Variants in DPP9 observed in about 807,000 individuals in gnomAD.
DPP9 encodes the protein dipeptidyl peptidase 9, also known as dipeptidyl peptidase IV-related protein-2.
In DPP9, 50 loss-of-function variants were observed where a neutral mutation model predicts 110.7. That is an observed-to-expected ratio of 0.45 (90% CI 0.36 to 0.57). The LOEUF is 0.57. Among genes scored for constraint, DPP9 ranks in the 20% least tolerant of loss-of-function variants. The pLI, the probability that DPP9 is intolerant of heterozygous loss-of-function variation, is 0.00. For missense variants in DPP9, 1,022 were observed against 1,217.9 expected, an observed-to-expected ratio of 0.84 and a Z score of 2.39; for synonymous variants, 561 against 514.4, an observed-to-expected ratio of 1.09 and a Z score of -1.23.
At position 4,718,428 on chromosome 19, in the gene DPP9, G is replaced by T. The variant is rs1007599248; in HGVS notation, c.56+1423C>A. Among the ~76,000 whole-genome samples, 1 of 152,210 alleles carries T rather than the reference G, an allele frequency of 6.6e-6. No homozygotes were observed. The highest frequency in any genetic ancestry group is 2.1e-4 in the South Asian group (1 of 4,838). ...GGCTGGCGTGGGGCAAGGGGCGTAT[G>T]GGGGTGGTGAGGACAGGGTCCTACC... On this transcript the variant is annotated intron_variant, in intron 3 of 21. Coordinates refer to ENST00000262960, the MANE Select transcript of DPP9 (RefSeq NM_139159.5). The surrounding 1 kb of genome is among the most constrained non-coding windows in gnomAD (Gnocchi z 4.3).
Position 4,694,754 on chromosome 19 carries a change from C to A in DPP9, c.1423G>T (p.Glu475Ter). The A allele has an allele frequency of 6.2e-7, 1 of 1,613,930 alleles. No individual in the cohort carries two copies. The highest frequency in any genetic ancestry group is 8.5e-7 in the Non-Finnish European group (1 of 1,179,866). ...EDELCFLRAN[E>*]CKTGFCHLYK... is the part of the protein sequence containing the mutation. The stretch of plus-strand genomic sequence containing the variant: ...AAATGGCAGAAGCCGGTCTTGCATT[C>A]ATTGGCGCGGAGAAAGCAGAGCTCG... The change falls in exon 13 of 22, where the codon GAA becomes TAA. Residue 475 changes from glutamate (E) to a stop codon, truncating the protein, a stop_gained. Coordinates refer to ENST00000262960, the MANE Select transcript of DPP9 (RefSeq NM_139159.5). LOFTEE classifies it high-confidence loss of function. The surrounding 1 kb of genome is among the most constrained non-coding windows in gnomAD (Gnocchi z 4.0).
chr19:4,684,896 G>A lies in DPP9; in HGVS notation c.2032-87C>T, dbSNP rs528632299. The A allele has an allele frequency of 8.0e-5, 121 of 1,516,006 alleles. No individual in the cohort carries two copies. The South Asian group carries it at 1.4e-3, about 18-fold the overall frequency. The allele number at this position is 1,516,006 out of a possible 1,614,324, so 93.9% of individuals were successfully genotyped here. Reference sequence around the variant, plus strand: ...GGAGATGCCGGTGGGCTGGGGACCGGGCCGGGCTGGGGCCTCAGAGCCTAA... The same window carrying A: ...GGAGATGCCGGTGGGCTGGGGACCGAGCCGGGCTGGGGCCTCAGAGCCTAA... On this transcript the variant is annotated intron_variant, in intron 17 of 21. Coordinates refer to ENST00000262960, the MANE Select transcript of DPP9 (RefSeq NM_139159.5). The surrounding 1 kb of genome is among the most constrained non-coding windows in gnomAD (Gnocchi z 4.8).
In DPP9 at chr19:4,721,175, C is replaced by T. The variant is rs1050374770; in HGVS notation, c.-35-1234G>A. ...CCTTACAGTGGACAGAACAGCCCCC[C>T]TCCCACTCCTCTGCCAAGAATGACC... On this transcript the variant is annotated intron_variant, in intron 2 of 21. Transcript: ENST00000262960. 2.6e-5 allele frequency among the ~76,000 whole-genome samples: 4 copies of T among 152,232 alleles called. No homozygotes were observed. The East Asian group carries it at 5.8e-4, about 22-fold the overall frequency.
rs1184230698 is a variant in DPP9 at position 4,687,820 on chromosome 19, C to A, written c.1885+937G>T. Among the ~76,000 whole-genome samples, 2 of 151,720 alleles carry A rather than the reference C, an allele frequency of 1.3e-5. No homozygotes were observed. Among genetic ancestry groups the A allele is most frequent in the Admixed American group, 1.3e-4 (2 of 15,252 alleles). The stretch of plus-strand genomic sequence containing the variant: ...TTCAAAAGGTTTTTTTTTTTTGAGA[C>A]GGAGTCTCGCTCTGTCGCCCAGGCT... On this transcript the variant is annotated intron_variant, in intron 16 of 21. Coordinates refer to ENST00000262960, the MANE Select transcript of DPP9 (RefSeq NM_139159.5). This position sits in a 1 kb window ranked among gnomAD's most constrained non-coding sequence, Gnocchi z 4.7.
intron 11 of DPP9, among the ~76,000 whole-genome samples, chr19:4,696,828 T>C (rs1483279330): frequency 6.6e-6 from 1 of 152,118 alleles, no homozygotes; most frequent in East Asian, 1.9e-4. Context: ...CAGCAGCACA[T>C]AATAGAATTC....
intron 11 of DPP9, 148 bp downstream of exon 11, chr19:4,697,403 G>A: frequency 1.5e-6 from 1 of 649,318 alleles, no homozygotes; most frequent in Non-Finnish European, 2.7e-6. Context: ...TTTGGACACT[G>A]GTCTGAGGCC....
Position 4,685,263 on chromosome 19 carries a change from A to T in DPP9, c.2031+363T>A. The stretch of plus-strand genomic sequence containing the variant: ...GTAAGATGTGCGCCTAAGATGGTCC[A>T]ACTGCCAATCTGCTGCCTGCTTTTG... On this transcript the variant is annotated intron_variant, in intron 17 of 21. Transcript: ENST00000262960. This position sits in a 1 kb window ranked among gnomAD's most constrained non-coding sequence, Gnocchi z 5.8. The T allele has an allele frequency of 1.9e-6, 1 of 530,986 alleles. No individual in the cohort carries two copies. Among genetic ancestry groups the T allele is most frequent in the Non-Finnish European group, 3.6e-6 (1 of 275,562 alleles). The allele number at this position is 530,986 out of a possible 1,614,324, so 32.9% of individuals were successfully genotyped here.
chr19:4,692,685 C>T (rs2091433268), intron 13 of DPP9, among the ~76,000 whole-genome samples: 1 of 152,140 alleles, frequency 6.6e-6, no homozygotes, highest in Admixed American at 6.5e-5. Flanking sequence ...CTGCAGCTGG[C>T]TCCACTTGAG....
chr19:4,706,017 T>C (rs566074371), intron 4 of DPP9, 47 bp from the exon 5 acceptor site: 1 of 1,543,386 alleles, frequency 6.5e-7, no homozygotes, highest in East Asian at 2.3e-5. Flanking sequence ...TGGCTCAGGA[T>C]GGGGAGACGC....
At position 4,684,944 on chromosome 19, in the gene DPP9, G is replaced by A. The variant is rs969493248; in HGVS notation, c.2032-135C>T. The A allele has an allele frequency of 6.4e-5, 75 of 1,170,906 alleles. No homozygotes were observed. The highest frequency in any genetic ancestry group is 8.5e-5 in the Non-Finnish European group (69 of 812,264). The allele number at this position is 1,170,906 out of a possible 1,614,324, so 72.5% of individuals were successfully genotyped here. A position where few individuals can be genotyped will look rare whatever the true frequency, so the allele number is the denominator to read the frequency against. ...TAATGAAAGCACCTGTGCCCCGGAGGCTCTGGATGGACACCTGGGAGTGGC... is the reference window on the plus strand; with the variant it reads ...TAATGAAAGCACCTGTGCCCCGGAGACTCTGGATGGACACCTGGGAGTGGC... On this transcript the variant is annotated intron_variant, in intron 17 of 21. Transcript: ENST00000262960. This position sits in a 1 kb window ranked among gnomAD's most constrained non-coding sequence, Gnocchi z 4.8.
rs1181200681 is a variant in DPP9, at chr19:4,694,230, CA to C, written c.1516+430del. The C allele has an allele frequency of 1.5e-5, 4 of 269,080 alleles. No individual in the cohort carries two copies. The highest frequency in any genetic ancestry group is 2.8e-5 in the Non-Finnish European group (4 of 143,862). The allele number at this position is 269,080 out of a possible 1,614,324, so 16.7% of individuals were successfully genotyped here. A position where few individuals can be genotyped will look rare whatever the true frequency, so the allele number is the denominator to read the frequency against. On this transcript the variant is annotated intron_variant, in intron 13 of 21. Coordinates refer to ENST00000262960, the MANE Select transcript of DPP9 (RefSeq NM_139159.5). The surrounding 1 kb of genome is among the most constrained non-coding windows in gnomAD (Gnocchi z 4.0). ...GCAAATGTTTCTACAAAGGGCTAGACAGTAAATCTTGGCCTTGCACAACAGT... is the reference window on the plus strand; with the variant it reads ...GCAAATGTTTCTACAAAGGGCTAGACGTAAATCTTGGCCTTGCACAACAGT...
Position 4,685,037 on chromosome 19 carries a change from C to G in DPP9, c.2032-228G>C, listed in dbSNP as rs1434839036. 2 of 679,972 alleles carry G rather than the reference C, an allele frequency of 2.9e-6. No individual in the cohort carries two copies. Among genetic ancestry groups the G allele is most frequent in the Admixed American group, 2.0e-5 (1 of 49,020 alleles). 42.1% of individuals were successfully genotyped at this position (679,972 alleles called of 1,614,324 possible). On this transcript the variant is annotated intron_variant, in intron 17 of 21. Transcript: ENST00000262960. This position sits in a 1 kb window ranked among gnomAD's most constrained non-coding sequence, Gnocchi z 5.8. ...GAAGGGCCACTGTCAGGCTCTTTCT[C>G]AGCTGGGCCACTGCCCCAGTCCTGC...
In DPP9 at chr19:4,687,397, T is replaced by G. The variant is rs1439532597; in HGVS notation, c.1885+1360A>C. ...TGACCCGCTGGTTTTCATCCCACAC[T>G]CTGTATATACAGTTTCGTTGATAAA... On this transcript the variant is annotated intron_variant, in intron 16 of 21. Transcript: ENST00000262960. The surrounding 1 kb of genome is among the most constrained non-coding windows in gnomAD (Gnocchi z 4.7). 6.6e-6 allele frequency among the ~76,000 whole-genome samples: 1 copy of G among 152,160 alleles called. No homozygotes were observed. Among genetic ancestry groups the G allele is most frequent in the Non-Finnish European group, 1.5e-5 (1 of 68,030 alleles).
At chr19:4,705,790 G>A in intron 5 of DPP9, 68 bp downstream of exon 5, 1 of 1,473,612 alleles carries the variant, frequency 6.8e-7, no homozygotes, top group Non-Finnish European at 9.4e-7. Context: ...AGGCATGTAT[G>A]GCCTGTGGGG....
Position 4,688,816 on chromosome 19 carries a change from G to A in DPP9, c.1826C>T (p.Pro609Leu). Reference sequence around the variant, plus strand: ...CTGCTTGTGCAGGGGGTCGTCGTCGGGGCCGCTCAGCTTGTAGACGTGCAC... The same window carrying A: ...CTGCTTGTGCAGGGGGTCGTCGTCGAGGCCGCTCAGCTTGTAGACGTGCAC... ...PCVHVYKLSG[P>L]DDDPLHKQPR... Residue 609 changes from proline to leucine, a missense_variant, in exon 16 of 22, where the codon CCC becomes CTC. Physicochemically the swap from Pro to Leu is moderately conservative, Grantham distance 98 (BLOSUM62 -3). Transcript: ENST00000262960. 1 of 1,495,554 alleles carries A rather than the reference G, an allele frequency of 6.7e-7. No homozygotes were observed. Among genetic ancestry groups the A allele is most frequent in the Admixed American group, 2.8e-5 (1 of 35,374 alleles). 92.6% of individuals were successfully genotyped at this position (1,495,554 alleles called of 1,614,324 possible).
At chr19:4,703,567 C>T (rs1244473109) in intron 7 of DPP9, among the ~76,000 whole-genome samples, 2 of 150,918 alleles carry the variant, frequency 1.3e-5, no homozygotes, top group East Asian at 1.9e-4. Flanking sequence ...ACCCAAGAGG[C>T]GGAAGTTGCA....
chr19:4,722,713 C>T, intron 1 of DPP9, 162 bp from the exon 2 acceptor site: 1 of 608,466 alleles, frequency 1.6e-6, no homozygotes. Flanking sequence ...ATGCCCTGGA[C>T]AGAATCTGGG....
chr19:4,711,248 G>T (rs570688997), intron 4 of DPP9, among the ~76,000 whole-genome samples: 1 of 152,286 alleles, frequency 6.6e-6, no homozygotes, highest in Admixed American at 6.5e-5. Context: ...CTTTACTCCA[G>T]GAGTACTTCA....
At chr19:4,712,087 G>A (rs1349203246) in intron 4 of DPP9, among the ~76,000 whole-genome samples, 1 of 152,162 alleles carries the variant, frequency 6.6e-6, no homozygotes, top group African/African-American at 2.4e-5. Context: ...ACCCCAACGG[G>A]AGCAAGTGGC....
Sources: gnomAD v4.1 joint callset for allele counts (sites outside exome capture counted in the v4.1 genomes callset) on GRCh38, gnomAD v4.1.1 for gene constraint, Gnocchi (gnomAD v3.1) non-coding constraint, MANE v1.5 for transcripts, NCBI Gene and HGNC (gene_info 2026-07-23, HGNC 2026-07-21) for gene names.